PTTG1IP2: variants seen among roughly 807,000 people sequenced by gnomAD.
PTTG1IP2 encodes the protein PTTG1IP family member 2.
chr7:90,498,488 C>T (rs1227142966), intron 6 of PTTG1IP2, among the ~76,000 whole-genome samples: 1 of 152,060 alleles, frequency 6.6e-6, no homozygotes, highest in African/African-American at 2.4e-5. Context: ...ATATTCAACA[C>T]AAATTGAAAC....
rs376371050 is a variant in PTTG1IP2, at chr7:90,487,381, G to A, written c.247G>A (p.Gly83Ser). 5.2e-5 allele frequency: 8 copies of A among 152,568 alleles called. No individual in the cohort carries two copies. The highest frequency in any genetic ancestry group is 3.9e-4 in the East Asian group (2 of 5,186). The allele number at this position is 152,568 out of a possible 1,614,324, so 9.5% of individuals were successfully genotyped here. A position where few individuals can be genotyped will look rare whatever the true frequency, so the allele number is the denominator to read the frequency against. Residue 83 changes from glycine to serine, a missense_variant, in exon 3 of 7, where the codon GGT (glycine) becomes AGT (serine). Transcript: ENST00000509356. ...CAAAAAATACTGTTTTCCCTATTTC[G>A]GTTGTCGATTCAGTTCTATATATTG... ...ACKKYCFPYFGCRFSSIYWLN... is the reference protein window; with the variant it reads ...ACKKYCFPYFSCRFSSIYWLN...
chr7:90,496,416 C>G (rs891171887), intron 6 of PTTG1IP2, among the ~76,000 whole-genome samples: 2 of 151,970 alleles, frequency 1.3e-5, no homozygotes, highest in South Asian at 4.1e-4. Flanking sequence ...TCTAGGCTAT[C>G]CCATTTGTTG....
intron 6 of PTTG1IP2, among the ~76,000 whole-genome samples, chr7:90,500,675 C>T (rs1298413059): frequency 2.6e-5 from 4 of 152,158 alleles, no homozygotes; most frequent in African/African-American, 9.7e-5. Flanking sequence ...ACTGGGATTT[C>T]CTTTTAGAAT....
At chr7:90,477,964 G>A (rs1188086499) in intron 1 of PTTG1IP2, among the ~76,000 whole-genome samples, 1 of 151,780 alleles carries the variant, frequency 6.6e-6, no homozygotes, top group Non-Finnish European at 1.5e-5. Flanking sequence ...GGGCGTGGTG[G>A]CAGGTGCCTG....
chr7:90,483,157 G>A (rs2188516), intron 2 of PTTG1IP2, among the ~76,000 whole-genome samples: 5,726 of 152,126 alleles, frequency 0.038, 228 homozygotes, highest in East Asian at 0.12. Context: ...CCTTCAGCTG[G>A]AATAAATATA....
At chr7:90,505,664 A>G (rs2116121868) in intron 6 of PTTG1IP2, among the ~76,000 whole-genome samples, 1 of 152,272 alleles carries the variant, frequency 6.6e-6, no homozygotes, top group African/African-American at 2.4e-5. Context: ...GTTGCCTGAA[A>G]TGTCAGTTCC....
At chr7:90,503,662 G>A (rs139125538) in intron 6 of PTTG1IP2, among the ~76,000 whole-genome samples, 1 of 152,336 alleles carries the variant, frequency 6.6e-6, no homozygotes, top group Non-Finnish European at 1.5e-5. Flanking sequence ...CGGCCAGTCA[G>A]TGGAGCAGTC....
intron 1 of PTTG1IP2, among the ~76,000 whole-genome samples, chr7:90,474,685 A>G (rs1449438381): frequency 6.6e-6 from 1 of 152,190 alleles, no homozygotes; most frequent in Non-Finnish European, 1.5e-5. Flanking sequence ...GGGCAGGAAA[A>G]GATATACTAC....
At chr7:90,476,279 T>C (rs1253637614) in intron 1 of PTTG1IP2, among the ~76,000 whole-genome samples, 1 of 152,208 alleles carries the variant, frequency 6.6e-6, no homozygotes, top group East Asian at 1.9e-4. Context: ...TTAATAACTT[T>C]AATAGTAATT....
intron 6 of PTTG1IP2, among the ~76,000 whole-genome samples, chr7:90,502,624 C>T (rs1358353492): frequency 6.6e-6 from 1 of 152,156 alleles, no homozygotes; most frequent in South Asian, 2.1e-4. Flanking sequence ...CATTATTAAT[C>T]TTTGTGTACA....
intron 6 of PTTG1IP2, among the ~76,000 whole-genome samples, chr7:90,506,769 A>C (rs933882611): frequency 6.6e-6 from 1 of 152,200 alleles, no homozygotes. Context: ...CCTGTCTCAA[A>C]AAAAGTTATA....
chr7:90,481,507 G>T (rs746389802), intron 2 of PTTG1IP2, among the ~76,000 whole-genome samples: 29 of 152,038 alleles, frequency 1.9e-4, no homozygotes, highest in Non-Finnish European at 4.3e-4. Flanking sequence ...TCCCACAGCA[G>T]CAATTTCCCC....
At chr7:90,483,949 GA>G (rs906625157) in intron 2 of PTTG1IP2, among the ~76,000 whole-genome samples, 34 of 151,954 alleles carry the variant, frequency 2.2e-4, no homozygotes, top group Admixed American at 2.0e-3. Context: ...TGCATATAAA[GA>G]AATCCCAAAT....
chr7:90,498,033 T>C lies in PTTG1IP2; in HGVS notation c.*50+3603T>C, dbSNP rs112917496. Among the ~76,000 whole-genome samples the C allele has an allele frequency of 6.1e-4, 81 of 131,832 alleles. 1 individual carries two copies. The South Asian group carries it at 8.8e-3, about 14-fold the overall frequency. The allele number at this position is 131,832 out of a possible 152,430, so 86.5% of individuals were successfully genotyped here. ...ATCCTCTTGATGAATGAACCCCCCC[T>C]TTTTTTTTTTGAGATGGAGTCTCGC... On this transcript the variant is annotated intron_variant, in intron 6 of 6. Coordinates refer to ENST00000509356, the MANE Select transcript of PTTG1IP2 (RefSeq NM_001365443.2).
At chr7:90,501,560 C>T (rs1177291583) in intron 6 of PTTG1IP2, among the ~76,000 whole-genome samples, 4 of 152,120 alleles carry the variant, frequency 2.6e-5, no homozygotes, top group African/African-American at 9.7e-5. Context: ...GTACTAGCTA[C>T]TTGGGAGGCT....
intron 1 of PTTG1IP2, among the ~76,000 whole-genome samples, chr7:90,473,446 G>T (rs973222690): frequency 1.3e-5 from 2 of 152,130 alleles, no homozygotes; most frequent in African/African-American, 4.8e-5. Context: ...CAACACATAG[G>T]CTTTGCTCCC....
At chr7:90,501,520 A>C (rs1584699675) in intron 6 of PTTG1IP2, among the ~76,000 whole-genome samples, 1 of 152,196 alleles carries the variant, frequency 6.6e-6, no homozygotes, top group East Asian at 1.9e-4. Context: ...CATTTAAAAA[A>C]TTAGCCAGAC....
chr7:90,499,773 G>A (rs145106401), intron 6 of PTTG1IP2, among the ~76,000 whole-genome samples: 5,041 of 151,942 alleles, frequency 0.033, 130 homozygotes, highest in Non-Finnish European at 0.051. Flanking sequence ...TAGTAGAAAC[G>A]GGTTTCATCA....
At chr7:90,476,326 G>A (rs1797747447) in intron 1 of PTTG1IP2, among the ~76,000 whole-genome samples, 1 of 152,080 alleles carries the variant, frequency 6.6e-6, no homozygotes, top group Admixed American at 6.6e-5. Flanking sequence ...ATATGACACA[G>A]AAATCATATG....
Sources: gnomAD v4.1 joint callset for allele counts (sites outside exome capture counted in the v4.1 genomes callset) on GRCh38, gnomAD v4.1.1 for gene constraint, MANE v1.5 for transcripts, NCBI Gene and HGNC (gene_info 2026-07-23, HGNC 2026-07-21) for gene names.